CNDP1: variants seen among roughly 807,000 people sequenced by gnomAD.
CNDP1 encodes beta-Ala-His dipeptidase.
In CNDP1, 44 loss-of-function variants were observed where a neutral mutation model predicts 58.1. The observed-to-expected ratio is 0.76, with a 90% CI of 0.60 to 0.97. The LOEUF (loss-of-function observed/expected upper bound fraction) is 0.97, where lower values mean the gene tolerates loss of function less well. CNDP1 is among the 50% of genes least tolerant of loss of function. The pLI is 0.00. For synonymous variants in CNDP1, 254 were observed against 252.6 expected (o/e 1.01, Z -0.05); for missense variants, 616 against 655.1 (o/e 0.94, Z 0.65).
chr18:74,564,930 T>G (rs1360375928), intron 5 of CNDP1, among the ~76,000 whole-genome samples: 1 of 152,204 alleles, frequency 6.6e-6, no homozygotes, highest in Non-Finnish European at 1.5e-5. Flanking sequence ...GGCAATGTAT[T>G]AGTCCGTTTT....
chr18:74,541,418 GT>G (rs1980621809), intron 1 of CNDP1, among the ~76,000 whole-genome samples: 1 of 152,222 alleles, frequency 6.6e-6, no homozygotes, highest in Non-Finnish European at 1.5e-5. Flanking sequence ...ACCCTGGCAG[GT>G]TCAGGAGCTG....
chr18:74,560,900 C>T lies in CNDP1; in HGVS notation c.348C>T (p.Ala116=), dbSNP rs141725523. The part of the protein sequence containing the change: ...QSLPIPPVIL[A]ELGSDPTKGT... Reference sequence around the variant, plus strand: ...TTCCAATACCTCCCGTCATCCTGGCCGAACTGGGGAGCGATCCCACGAAAG... The same window carrying T: ...TTCCAATACCTCCCGTCATCCTGGCTGAACTGGGGAGCGATCCCACGAAAG... The change falls in exon 4 of 12, where the codon GCC becomes GCT. Residue 116 remains alanine (A), a synonymous_variant. Transcript: ENST00000358821. 4.1e-5 allele frequency: 66 copies of T among 1,613,964 alleles called. No homozygotes were observed. Among genetic ancestry groups the T allele is most frequent in the Non-Finnish European group, 5.3e-5 (62 of 1,180,016 alleles).
At chr18:74,583,993 C>T (rs750926770) in intron 11 of CNDP1, 16 of 399,556 alleles carry the variant, frequency 4.0e-5, no homozygotes, top group Non-Finnish European at 6.4e-5. Context: ...GCACCAGACC[C>T]ATTGGATTAG....
intron 11 of CNDP1, 155 bp downstream of exon 11, chr18:74,583,863 G>A (rs144058755): frequency 2.8e-4 from 211 of 741,522 alleles, no homozygotes; most frequent in Middle Eastern, 2.8e-3. Context: ...CACAGTTCTG[G>A]AGCCTGGATG....
intron 1 of CNDP1, among the ~76,000 whole-genome samples, chr18:74,540,655 T>G (rs1044572479): frequency 2.0e-5 from 3 of 152,204 alleles, no homozygotes; most frequent in African/African-American, 7.2e-5. Context: ...GGCTGTGTGA[T>G]CCCAGGCAGT....
At chr18:74,562,655 A>G (rs1981231642) in intron 5 of CNDP1, among the ~76,000 whole-genome samples, 1 of 152,206 alleles carries the variant, frequency 6.6e-6, no homozygotes. Flanking sequence ...CTGAGAGCAC[A>G]GTGGCTCTCT....
chr18:74,543,007 T>G (rs1262567813), intron 1 of CNDP1, among the ~76,000 whole-genome samples: 1 of 152,242 alleles, frequency 6.6e-6, no homozygotes, highest in African/African-American at 2.4e-5. Flanking sequence ...AAGAAAGACA[T>G]GCCTTAAGAA....
At chr18:74,579,193 C>G (rs189143042) in intron 9 of CNDP1, among the ~76,000 whole-genome samples, 1,531 of 77,924 alleles carry the variant, frequency 0.02, 15 homozygotes, top group South Asian at 0.071. Context: ...CCCTTTCCTT[C>G]CCTTCCCTTG....
intron 7 of CNDP1, chr18:74,576,221 A>C (rs929397553): frequency 6.6e-6 from 1 of 150,648 alleles, no homozygotes; most frequent in Non-Finnish European, 1.5e-5. Flanking sequence ...GCTGGAGTGC[A>C]GTGATGTGAT....
chr18:74,568,376 A>T (rs1189549326), intron 6 of CNDP1, among the ~76,000 whole-genome samples: 2 of 152,242 alleles, frequency 1.3e-5, no homozygotes, highest in Non-Finnish European at 2.9e-5. Flanking sequence ...TTCTAGTGAG[A>T]CACAGATACT....
chr18:74,556,287 C>T, intron 1 of CNDP1, 51 bp from the exon 2 acceptor site: 3 of 1,595,046 alleles, frequency 1.9e-6, no homozygotes, highest in Non-Finnish European at 2.6e-6. Flanking sequence ...GTCCGAAGTC[C>T]AGCAACTGGC....
chr18:74,560,791 G>A (rs1981172872), intron 3 of CNDP1, 65 bp from the exon 4 acceptor site: 2 of 1,489,250 alleles, frequency 1.3e-6, no homozygotes, highest in Non-Finnish European at 1.9e-6. Context: ...CCAATGTCAT[G>A]TCTTTGAATT....
chr18:74,577,067 T>C (rs1981653553), intron 8 of CNDP1, 38 bp downstream of exon 8: 3 of 1,574,334 alleles, frequency 1.9e-6, no homozygotes, highest in Non-Finnish European at 2.6e-6. Context: ...GGAAGAGGCA[T>C]GAGGCTAGTA....
In CNDP1 at chr18:74,584,629, G is replaced by T; in HGVS notation, c.*67G>T. On this transcript the variant is annotated 3_prime_UTR_variant, in exon 12 of 12. Transcript: ENST00000358821. ...CACCTCCCCCACATCCCTAGACAGG[G>T]ATGGAATGTAAATATCCAGAGAATT... The T allele has an allele frequency of 8.1e-7, 1 of 1,240,624 alleles. No homozygotes were observed. The highest frequency in any genetic ancestry group is 1.2e-6 in the Non-Finnish European group (1 of 840,764). 76.9% of individuals were successfully genotyped at this position (1,240,624 alleles called of 1,614,324 possible).
intron 1 of CNDP1, among the ~76,000 whole-genome samples, chr18:74,541,234 G>A (rs1980616712): frequency 6.6e-6 from 1 of 152,226 alleles, no homozygotes; most frequent in African/African-American, 2.4e-5. Flanking sequence ...GAGACGGCAG[G>A]TGTGCAGAGG....
At chr18:74,577,082 A>G in intron 8 of CNDP1, 53 bp downstream of exon 8, 1 of 1,483,330 alleles carries the variant, frequency 6.7e-7, no homozygotes. Flanking sequence ...CTAGTATATC[A>G]TATTTGCCCT....
At chr18:74,543,424 T>C (rs1305265519) in intron 1 of CNDP1, among the ~76,000 whole-genome samples, 1 of 150,958 alleles carries the variant, frequency 6.6e-6, no homozygotes, top group African/African-American at 2.4e-5. Flanking sequence ...ACCCAGGAGG[T>C]TGAGGCAGCA....
chr18:74,583,002 AATTGT>A (rs1423871654), intron 10 of CNDP1, among the ~76,000 whole-genome samples: 2 of 152,068 alleles, frequency 1.3e-5, no homozygotes, highest in Non-Finnish European at 2.9e-5. Context: ...TTTTATTTAC[AATTGT>A]ATTTATTTAT....
intron 1 of CNDP1, among the ~76,000 whole-genome samples, chr18:74,548,144 A>G (rs1379836265): frequency 6.6e-6 from 1 of 152,184 alleles, no homozygotes; most frequent in African/African-American, 2.4e-5. Flanking sequence ...AAAGCCAGGA[A>G]TAACCTTTCG....
Sources: gnomAD v4.1 joint callset for allele counts (sites outside exome capture counted in the v4.1 genomes callset) on GRCh38, gnomAD v4.1.1 for gene constraint, MANE v1.5 for transcripts, NCBI Gene and HGNC (gene_info 2026-07-23, HGNC 2026-07-21) for gene names.